MIF4GD: variants seen among roughly 807,000 people sequenced by gnomAD.
MIF4GD encodes the protein MIF4G domain containing.
Under a neutral mutation model 26.7 loss-of-function variants are expected in MIF4GD, and 22 were observed. The ratio of observed to expected loss-of-function variants is 0.82; its 90% CI spans 0.59 to 1.18. MIF4GD has a LOEUF of 1.18. Ranked by LOEUF, MIF4GD falls within the 50% of genes most tolerant of loss-of-function variation. MIF4GD has a pLI of 0.00. For synonymous variants in MIF4GD, 137 were observed against 111.6 expected, an observed-to-expected ratio of 1.23 and a Z score of -1.43; for missense variants, 262 against 279.6, an observed-to-expected ratio of 0.94 and a Z score of 0.45.
chr17:75,267,823 C>G lies in MIF4GD; in HGVS notation c.271G>C (p.Glu91Gln), dbSNP rs755542259. Reference protein sequence around the residue: ...NRLQQEYQAREQLRARSLQGW... With the variant: ...NRLQQEYQARQQLRARSLQGW... ...TGCAGGGAGCGTGCTCGCAGCTGCT[C>G]CCGAGCCTGGTACTCCTGCTGCAGC... The change falls in exon 4 of 6, where the codon GAG becomes CAG. Residue 91 changes from glutamate (E) to glutamine (Q), a missense_variant. By Grantham distance (29) the Glu-to-Gln change is conservative. Transcript: ENST00000325102. The G allele has an allele frequency of 1.2e-6, 2 of 1,613,936 alleles. No individual in the cohort carries two copies. The highest frequency in any genetic ancestry group is 2.7e-5 in the African/African-American group (2 of 74,944).
intron 5 of MIF4GD, 148 bp from the exon 6 acceptor site, chr17:75,267,115 C>A: frequency 2.8e-6 from 2 of 702,952 alleles, no homozygotes; most frequent in South Asian, 1.7e-5. Context: ...CCACATCTTA[C>A]ACAGAAAGAA....
At chr17:75,267,365 C>T (rs561487454) in intron 5 of MIF4GD, 173 bp downstream of exon 5, 1 of 661,958 alleles carries the variant, frequency 1.5e-6, no homozygotes, top group African/African-American at 1.8e-5. Context: ...ATTGGATAAA[C>T]TCCAGACCTG....
chr17:75,269,737 C>CTTTTTTTTTTTTTT (rs796368431), intron 2 of MIF4GD, among the ~76,000 whole-genome samples: 5 of 103,714 alleles, frequency 4.8e-5, no homozygotes, highest in Non-Finnish European at 9.1e-5. Flanking sequence ...TTTTTCTTTT[C>CTTTTTTTTTTTTTT]TTTCTTTTTT....
intron 5 of MIF4GD, 71 bp from the exon 6 acceptor site, chr17:75,267,038 T>C: frequency 7.4e-7 from 1 of 1,359,426 alleles, no homozygotes; most frequent in African/African-American, 1.4e-5. Context: ...ATTTGCCAAG[T>C]GCCAGGTGCT....
rs958333195 is a variant in MIF4GD, at chr17:75,267,885, G to A, written c.209C>T (p.Ala70Val). ...TCCACGTCGGAAGACACTCTGGCCT[G>A]CTTGTTTACTCTCTGCCTGTGAGCC... ...YAIIQAESKQ[A>V]GQSVFRRGLL... is the part of the protein sequence containing the mutation. The change falls in exon 4 of 6, where the codon GCA (alanine) becomes GTA (valine). Residue 70 changes from alanine (A) to valine (V), a missense_variant. Coordinates refer to ENST00000325102, the MANE Select transcript of MIF4GD (RefSeq NM_001370592.1). 2 of 1,612,792 alleles carry A rather than the reference G, an allele frequency of 1.2e-6. No individual in the cohort carries two copies. The highest frequency in any genetic ancestry group is 1.7e-6 in the Non-Finnish European group (2 of 1,179,604).
intron 2 of MIF4GD, chr17:75,269,444 G>A (rs768989116): frequency 8.1e-6 from 13 of 1,613,620 alleles, no homozygotes; most frequent in African/African-American, 1.3e-5. Flanking sequence ...TCTCAAAGCA[G>A]GCAACTGTGC....
At position 75,267,620 on chromosome 17, in the gene MIF4GD, ATGT is replaced by A. The variant is rs754278357; in HGVS notation, c.356_358del (p.Asn119del). On this transcript the variant is annotated inframe_deletion, in exon 5 of 6. Transcript: ENST00000325102. Reference sequence around the variant, plus strand: ...AGGGTTCACCAGGGCCATCATGGGCATGTTGTTCACCTGTGAGGAAGAGGAGGG... The same window carrying A: ...AGGGTTCACCAGGGCCATCATGGGCATGTTCACCTGTGAGGAAGAGGAGGG... 121 of 1,614,118 alleles carry A rather than the reference ATGT, an allele frequency of 7.5e-5. No homozygotes were observed. Among genetic ancestry groups the A allele is most frequent in the Non-Finnish European group, 9.7e-5 (114 of 1,180,036 alleles).
Position 75,266,778 on chromosome 17 carries a change from C to T in MIF4GD, c.631G>A (p.Ala211Thr). 1 of 1,614,224 alleles carries T rather than the reference C, an allele frequency of 6.2e-7. No individual in the cohort carries two copies. The highest frequency in any genetic ancestry group is 8.5e-7 in the Non-Finnish European group (1 of 1,180,040). ...FRAAGWKTTPAAHKYYYSEVS... is the reference protein window; with the variant it reads ...FRAAGWKTTPTAHKYYYSEVS... ...TCGCTGTAGTAATACTTGTGGGCAGCTGGCGTTGTCTTCCAGCCGGCCGCC... is the reference window on the plus strand; with the variant it reads ...TCGCTGTAGTAATACTTGTGGGCAGTTGGCGTTGTCTTCCAGCCGGCCGCC... Residue 211 changes from alanine (A) to threonine (T), a missense_variant, in exon 6 of 6, where the codon GCT (alanine) becomes ACT (threonine). By Grantham distance (58) the Ala-to-Thr change is moderately conservative. Transcript: ENST00000325102.
Position 75,266,740 on chromosome 17 carries a change from C to G in MIF4GD, c.669G>C (p.Ter223TyrextTer84), listed in dbSNP as rs769693796. The G allele has an allele frequency of 5.0e-6, 8 of 1,614,132 alleles. No homozygotes were observed. The highest frequency in any genetic ancestry group is 6.8e-6 in the Non-Finnish European group (8 of 1,180,004). The change falls in exon 6 of 6, where the codon TAG (stop) becomes TAC (tyrosine). Residue 223 changes from the stop codon to tyrosine (Y), a stop_lost. Coordinates refer to ENST00000325102, the MANE Select transcript of MIF4GD (RefSeq NM_001370592.1). Reference protein sequence around the residue: ...HKYYYSEVSD* With the variant: ...HKYYYSEVSDY ...GGTGAGGAAGCCCTGATCTGGAGGC[C>G]TAGTCGGAGACTTCGCTGTAGTAAT...
At chr17:75,269,319 TGTTG>T in intron 2 of MIF4GD, 1 of 1,610,716 alleles carries the variant, frequency 6.2e-7, no homozygotes, top group Non-Finnish European at 8.5e-7. Context: ...ACATGATGGG[TGTTG>T]CTAATTATTA....
At position 75,266,690 on chromosome 17, in the gene MIF4GD, G is replaced by C. The variant is rs753170485; in HGVS notation, c.*50C>G. On this transcript the variant is annotated 3_prime_UTR_variant, in exon 6 of 6. Coordinates refer to ENST00000325102, the MANE Select transcript of MIF4GD (RefSeq NM_001370592.1). ...CAGAGACTCCACTGCCAGCTTTAGA[G>C]GTGGGTAGAAGAAAGGCCAGTGCTG... 1 of 1,555,884 alleles carries C rather than the reference G, an allele frequency of 6.4e-7. No individual in the cohort carries two copies. The highest frequency in any genetic ancestry group is 1.1e-5 in the South Asian group (1 of 89,738).
At chr17:75,268,996 CTG>C (rs2077611026) in intron 2 of MIF4GD, among the ~76,000 whole-genome samples, 2 of 151,046 alleles carry the variant, frequency 1.3e-5, no homozygotes, top group African/African-American at 4.9e-5. Flanking sequence ...AAGAGCGAAA[CTG>C]TCTCAAAAAA....
rs184236432 is a variant in MIF4GD, at chr17:75,266,314, G to A, written c.*426C>T. 533 of 353,672 alleles carry A rather than the reference G, an allele frequency of 1.5e-3. 5 individuals carry two copies. The highest frequency in any genetic ancestry group is 0.011 in the African/African-American group (508 of 48,196). The allele number at this position is 353,672 out of a possible 1,614,324, so 21.9% of individuals were successfully genotyped here. A position where few individuals can be genotyped will look rare whatever the true frequency, so the allele number is the denominator to read the frequency against. ...CAGCATTCAGTGAAACTGGCTGGAG[G>A]AAATAGGCTTGTTTCCAGAGTTGTC... On this transcript the variant is annotated 3_prime_UTR_variant, in exon 6 of 6. Transcript: ENST00000325102.
rs984960314 is a variant in MIF4GD at position 75,270,452 on chromosome 17, C to A, written c.-50-207G>T. 1 of 472,968 alleles carries A rather than the reference C, an allele frequency of 2.1e-6. No individual in the cohort carries two copies. Among genetic ancestry groups the A allele is most frequent in the African/African-American group, 2.0e-5 (1 of 50,450 alleles). 29.3% of individuals were successfully genotyped at this position (472,968 alleles called of 1,614,324 possible). ...GGCACCTGCTGCTCAGTTTAGAAAT[C>A]CCTCGCTTGTGGGATTACACAAGAG... On this transcript the variant is annotated intron_variant, in intron 1 of 5. Transcript: ENST00000325102. This position sits in a 1 kb window ranked among gnomAD's most constrained non-coding sequence, Gnocchi z 5.7.
intron 2 of MIF4GD, 60 bp from the exon 3 acceptor site, chr17:75,268,252 C>A: frequency 7.7e-7 from 1 of 1,298,388 alleles, no homozygotes; most frequent in Non-Finnish European, 1.1e-6. Flanking sequence ...TGTGTCCACC[C>A]GCTTCTAAGA....
At position 75,267,726 on chromosome 17, in the gene MIF4GD, G is replaced by A; in HGVS notation, c.348+20C>T. ...GAAACAGGCCATGTCTGCCTCCCAG[G>A]GTGGCTGCCGGGGCCTCACCCTCAG... On this transcript the variant is annotated intron_variant, in intron 4 of 5. Coordinates refer to ENST00000325102, the MANE Select transcript of MIF4GD (RefSeq NM_001370592.1). The A allele has an allele frequency of 6.2e-7, 1 of 1,612,154 alleles. No homozygotes were observed.
At chr17:75,267,302 G>A in intron 5 of MIF4GD, 1 of 603,778 alleles carries the variant, frequency 1.7e-6, no homozygotes. Context: ...ATCATACGTT[G>A]GCTTTCTGAC....
At position 75,270,493 on chromosome 17, in the gene MIF4GD, G is replaced by C. The variant is rs2077694433; in HGVS notation, c.-50-248C>G. 1 of 348,424 alleles carries C rather than the reference G, an allele frequency of 2.9e-6. No individual in the cohort carries two copies. The highest frequency in any genetic ancestry group is 5.4e-6 in the Non-Finnish European group (1 of 184,516). The allele number at this position is 348,424 out of a possible 1,614,324, so 21.6% of individuals were successfully genotyped here. ...TACACAAGAGCGAGAAGCTGAAGCA[G>C]GAAAGCGCCCACCCTCCAGTCCCAG... On this transcript the variant is annotated intron_variant, in intron 1 of 5. Transcript: ENST00000325102. The surrounding 1 kb of genome is among the most constrained non-coding windows in gnomAD (Gnocchi z 5.7).
rs2077488978 is a variant in MIF4GD at position 75,266,529 on chromosome 17, TGGCCGTGGTG to T, written c.*201_*210del. The T allele has an allele frequency of 3.3e-6, 2 of 600,342 alleles. No homozygotes were observed. The highest frequency in any genetic ancestry group is 2.0e-5 in the South Asian group (1 of 50,452). 37.2% of individuals were successfully genotyped at this position (600,342 alleles called of 1,614,324 possible). On this transcript the variant is annotated 3_prime_UTR_variant, in exon 6 of 6. Coordinates refer to ENST00000325102, the MANE Select transcript of MIF4GD (RefSeq NM_001370592.1). ...CTCTTGGGAGTTGCCCTTCTCTGCC[TGGCCGTGGTG>T]GGTTGTGGTGGGGAAAGGGGCTCAG...
Sources: allele counts gnomAD v4.1 joint callset (sites outside exome capture counted in the v4.1 genomes callset), GRCh38; gene constraint gnomAD v4.1.1; non-coding constraint Gnocchi (gnomAD v3.1); transcripts MANE v1.5; gene names NCBI Gene and HGNC (gene_info 2026-07-23, HGNC 2026-07-21).